The following PPFIA4 variants were observed in gnomAD, a reference collection of about 807,000 sequenced individuals.
The protein encoded by PPFIA4 is PPFI scaffold protein A4.
A neutral mutation model predicts 145.7 loss-of-function variants in PPFIA4; 98 were observed. The ratio of observed to expected loss-of-function variants is 0.67; its 90% confidence interval spans 0.57 to 0.80. The LOEUF (loss-of-function observed/expected upper bound fraction) is 0.80. Ranked by LOEUF, PPFIA4 falls within the 30% of genes least tolerant of loss-of-function variation. The pLI, the probability that PPFIA4 is intolerant of heterozygous loss-of-function variation, is 0.00. For missense variants in PPFIA4, 1,457 were observed against 1,632.7 expected, an observed-to-expected ratio of 0.89 and a Z score of 1.85; for synonymous variants, 628 against 649.6, an observed-to-expected ratio of 0.97 and a Z score of 0.51.
Position 203,039,075 on chromosome 1 carries a change from G to A in PPFIA4, c.67G>A (p.Asp23Asn), listed in dbSNP as rs1659503295. 2 of 1,605,286 alleles carry A rather than the reference G, an allele frequency of 1.2e-6. No individual in the cohort carries two copies. The highest frequency in any genetic ancestry group is 1.1e-5 in the South Asian group (1 of 89,800). The change falls in exon 2 of 30, where the codon GAC (aspartate) becomes AAC (asparagine). Residue 23 changes from aspartate to asparagine, a missense_variant. By Grantham distance (23) the Asp-to-Asn change is conservative. Transcript: ENST00000295706. The stretch of plus-strand genomic sequence containing the variant: ...GGGTCCCCCTCATGGCGCCGATGCT[G>A]ACGCCAACTTCGAGCAGCTGATGGT... ...RLGPPHGADA[D>N]ANFEQLMVNM...
At chr1:203,056,601 C>A in intron 18 of PPFIA4, 93 bp downstream of exon 18, 1 of 1,485,592 alleles carries the variant, frequency 6.7e-7, no homozygotes. Context: ...TCCCCTGTCC[C>A]AGTTTCTGAA....
chr1:203,061,825 G>A (rs556791879), intron 24 of PPFIA4, 147 bp downstream of exon 24: 14 of 785,452 alleles, frequency 1.8e-5, no homozygotes, highest in Middle Eastern at 3.4e-4. Context: ...AGTGCCCCCC[G>A]CCCCCACCCA....
chr1:203,041,637 G>T (rs1375865389), intron 2 of PPFIA4, among the ~76,000 whole-genome samples: 1 of 152,140 alleles, frequency 6.6e-6, no homozygotes, highest in Admixed American at 6.5e-5. Context: ...AGACAGCAGG[G>T]TGTCAGATAG....
chr1:203,051,951 C>T (rs1036293482), intron 14 of PPFIA4, 74 bp downstream of exon 14: 23 of 1,506,322 alleles, frequency 1.5e-5, no homozygotes, highest in South Asian at 9.7e-5. Flanking sequence ...GTTACGCAGA[C>T]GGCTGGTGTG....
rs1343483424 is a variant in PPFIA4, at chr1:203,048,440, C to T, written c.1224+130C>T. 2 of 1,454,610 alleles carry T rather than the reference C, an allele frequency of 1.4e-6. No homozygotes were observed. Among genetic ancestry groups the T allele is most frequent in the East Asian group, 2.5e-5 (1 of 40,550 alleles). 90.1% of individuals were successfully genotyped at this position (1,454,610 alleles called of 1,614,324 possible). On this transcript the variant is annotated intron_variant, in intron 10 of 29. Coordinates refer to ENST00000295706, the MANE Select transcript of PPFIA4 (RefSeq NM_001304331.2). The surrounding 1 kb of genome is among the most constrained non-coding windows in gnomAD (Gnocchi z 5.8). ...GCCACAGAGAGTGGGAGGAGGCTGG[C>T]AGGTGAAGGGGGAGGTGGTCAGGAG...
In PPFIA4 at chr1:203,045,317, G is replaced by A. The variant is rs1325857715; in HGVS notation, c.667-51G>A. On this transcript the variant is annotated intron_variant, in intron 6 of 29. Coordinates refer to ENST00000295706, the MANE Select transcript of PPFIA4 (RefSeq NM_001304331.2). ...TCCACCCCTGGGATAGGGGAGTGGG[G>A]TGGGTGGGATGCTGCTGTGACTCAC... 4.8e-6 allele frequency: 7 copies of A among 1,465,356 alleles called. No individual in the cohort carries two copies. The East Asian group carries it at 9.8e-5, about 20-fold the overall frequency. The allele number at this position is 1,465,356 out of a possible 1,614,324, so 90.8% of individuals were successfully genotyped here. A position where few individuals can be genotyped will look rare whatever the true frequency, so the allele number is the denominator to read the frequency against.
chr1:203,076,219 C>G, intron 29 of PPFIA4, 122 bp from the exon 30 acceptor site: 1 of 1,110,054 alleles, frequency 9.0e-7, no homozygotes, highest in South Asian at 1.3e-5. Context: ...CTTCGTCTGG[C>G]CTGGGGCGCT....
chr1:203,074,461 G>A (rs1484009183), intron 28 of PPFIA4, among the ~76,000 whole-genome samples: 1 of 150,804 alleles, frequency 6.6e-6, no homozygotes, highest in African/African-American at 2.4e-5. Context: ...ATTATGTGGT[G>A]CATGACTGTA....
intron 19 of PPFIA4, among the ~76,000 whole-genome samples, chr1:203,058,786 C>G (rs958667607): frequency 2.0e-5 from 3 of 152,044 alleles, no homozygotes; most frequent in African/African-American, 7.2e-5. Context: ...ATTTCCACAC[C>G]CCTGACCCAA....
At chr1:203,063,538 G>A (rs1052830621) in intron 24 of PPFIA4, 7 of 329,712 alleles carry the variant, frequency 2.1e-5, no homozygotes, top group Non-Finnish European at 4.0e-5. Flanking sequence ...TCAACAGGAA[G>A]GATTTCATAT....
In PPFIA4 at chr1:203,043,415, C is replaced by T. The variant is rs759196922; in HGVS notation, c.253C>T (p.Arg85Trp). 16 of 1,610,674 alleles carry T rather than the reference C, an allele frequency of 9.9e-6. No individual in the cohort carries two copies. Among genetic ancestry groups the T allele is most frequent in the South Asian group, 5.5e-5 (5 of 90,554 alleles). The change falls in exon 3 of 30, where the codon CGG (arginine) becomes TGG (tryptophan). Residue 85 changes from arginine to tryptophan, a missense_variant. By Grantham distance (101) the Arg-to-Trp change is moderately radical. Transcript: ENST00000295706. The surrounding 1 kb of genome is among the most constrained non-coding windows in gnomAD (Gnocchi z 4.4). ...TTTTCAGGAATTTGCCACCTTAACCCGGGAGCTGAGCATGTGTCGGGAGCA... is the reference window on the plus strand; with the variant it reads ...TTTTCAGGAATTTGCCACCTTAACCTGGGAGCTGAGCATGTGTCGGGAGCA... ...ALPQEFATLTRELSMCREQLL... is the reference protein window; with the variant it reads ...ALPQEFATLTWELSMCREQLL...
At chr1:203,070,954 TG>T (rs1662110288) in intron 27 of PPFIA4, among the ~76,000 whole-genome samples, 2 of 127,498 alleles carry the variant, frequency 1.6e-5, no homozygotes, top group African/African-American at 6.3e-5. Flanking sequence ...CCCACTTTTT[TG>T]TTTTTTTTTT....
rs3087949 is a variant in PPFIA4 at position 203,078,493 on chromosome 1, C to A, written c.*2103C>A. On this transcript the variant is annotated 3_prime_UTR_variant, in exon 30 of 30. Coordinates refer to ENST00000295706, the MANE Select transcript of PPFIA4 (RefSeq NM_001304331.2). Reference sequence around the variant, plus strand: ...TTGCAGGGAGGTGTTAAGAAGAGAACTCTGTGCAAACAGTGATGGAAGGCT... The same window carrying A: ...TTGCAGGGAGGTGTTAAGAAGAGAAATCTGTGCAAACAGTGATGGAAGGCT... 0.76 allele frequency: 116,008 copies of A among 152,458 alleles called. 44,500 individuals are homozygous for A. The highest frequency in any genetic ancestry group is 0.86 in the African/African-American group (35,657 of 41,482). 9.4% of individuals were successfully genotyped at this position (152,458 alleles called of 1,614,324 possible).
At chr1:203,028,618 G>A (rs1348892194) in intron 1 of PPFIA4, among the ~76,000 whole-genome samples, 1 of 152,098 alleles carries the variant, frequency 6.6e-6, no homozygotes, top group African/African-American at 2.4e-5. Flanking sequence ...TAGAAACAAG[G>A]TGTGGCAATT....
intron 25 of PPFIA4, among the ~76,000 whole-genome samples, chr1:203,064,637 A>C (rs925866247): frequency 2.6e-5 from 4 of 152,214 alleles, no homozygotes; most frequent in African/African-American, 4.8e-5. Flanking sequence ...TCACCACTCA[A>C]ATTGAGCTGC....
Position 203,049,756 on chromosome 1 carries a change from C to T in PPFIA4, c.1500C>T (p.Gly500=), listed in dbSNP as rs748644506. The change falls in exon 13 of 30, where the codon GGC becomes GGT. Residue 500 remains glycine, a synonymous_variant. Transcript: ENST00000295706. Reference sequence around the variant, plus strand: ...GCCGAGGGGGGCCGTTTGTGGATGGCGTCCACTCCAGGTACTGCAGCGCCA... The same window carrying T: ...GCCGAGGGGGGCCGTTTGTGGATGGTGTCCACTCCAGGTACTGCAGCGCCA... ...LKGRGGPFVD[G]VHSRSHMGSA... is the part of the protein sequence containing the mutation. 14 of 1,582,912 alleles carry T rather than the reference C, an allele frequency of 8.8e-6. No homozygotes were observed. The highest frequency in any genetic ancestry group is 7.0e-5 in the Admixed American group (4 of 57,106).
In PPFIA4 at chr1:203,076,493, C is replaced by A; in HGVS notation, c.*103C>A. The A allele has an allele frequency of 8.5e-7, 1 of 1,177,706 alleles. No individual in the cohort carries two copies. Among genetic ancestry groups the A allele is most frequent in the Non-Finnish European group, 1.2e-6 (1 of 804,274 alleles). 73.0% of individuals were successfully genotyped at this position (1,177,706 alleles called of 1,614,324 possible). A position where few individuals can be genotyped will look rare whatever the true frequency, so the allele number is the denominator to read the frequency against. On this transcript the variant is annotated 3_prime_UTR_variant, in exon 30 of 30. Coordinates refer to ENST00000295706, the MANE Select transcript of PPFIA4 (RefSeq NM_001304331.2). ...TTCCTTCCGCAGCTCCTAGTCTCGT[C>A]CGTGACTTTCCGGTTGCCCTGGATC...
chr1:203,033,035 C>T lies in PPFIA4; in HGVS notation c.-399-5575C>T, dbSNP rs375708005. Among the ~76,000 whole-genome samples, 8 of 152,290 alleles carry T rather than the reference C, an allele frequency of 5.3e-5. No homozygotes were observed. The East Asian group carries it at 1.2e-3, about 22-fold the overall frequency. On this transcript the variant is annotated intron_variant, in intron 1 of 29. Coordinates refer to ENST00000295706, the MANE Select transcript of PPFIA4 (RefSeq NM_001304331.2). ...GCCTGTCTGAACAGATGCTTCCTTC[C>T]GTGTCCCCTGAATGAGCCTGGCATT...
At chr1:203,051,156 G>A (rs1459195747) in intron 13 of PPFIA4, 2 of 985,196 alleles carry the variant, frequency 2.0e-6, no homozygotes, top group Admixed American at 6.2e-5. Flanking sequence ...AAAATCTCAG[G>A]GTTGGAATAG....
Sources: allele counts gnomAD v4.1 joint callset (sites outside exome capture counted in the v4.1 genomes callset), GRCh38; gene constraint gnomAD v4.1.1; non-coding constraint Gnocchi (gnomAD v3.1); transcripts MANE v1.5; gene names NCBI Gene and HGNC (gene_info 2026-07-23, HGNC 2026-07-21).